The following SRGAP2B variants were observed in gnomAD, a reference collection of about 807,000 sequenced individuals.
The protein encoded by SRGAP2B is SLIT-ROBO Rho GTPase-activating protein 2B.
SRGAP2B carries 9 observed loss-of-function variants against 22.2 expected under a neutral mutation model. The ratio of observed to expected loss-of-function variants is 0.41; its 90% CI spans 0.24 to 0.71. The LOEUF is 0.71. Among genes scored for constraint, SRGAP2B ranks in the 30% least tolerant of loss-of-function variants. The pLI is 0.35. For missense variants in SRGAP2B, 114 were observed against 235.8 expected, an observed-to-expected ratio of 0.48 and a Z score of 3.38; for synonymous variants, 36 against 87.4, an observed-to-expected ratio of 0.41 and a Z score of 3.28.
At chr1:144,992,092 GA>G (rs1471871325) in intron 3 of SRGAP2B, among the ~76,000 whole-genome samples, 1 of 150,174 alleles carries the variant, frequency 6.7e-6, no homozygotes. Flanking sequence ...AGCCCACCGG[GA>G]GGAACGAACA....
chr1:144,897,051 T>G, intron 8 of SRGAP2B, 65 bp downstream of exon 8: 1 of 20,660 alleles, frequency 4.8e-5, no homozygotes, highest in Non-Finnish European at 9.6e-5. Context: ...GTGCCTTCTG[T>G]GTAATTAATC....
intron 2 of SRGAP2B, among the ~76,000 whole-genome samples, chr1:145,015,581 G>T (rs1184829705): frequency 6.0e-5 from 9 of 149,652 alleles, no homozygotes; most frequent in Non-Finnish European, 1.3e-4. Context: ...GGAGTATACA[G>T]AAATTGGTCT....
chr1:145,068,893 A>ATGTATGTGTG (rs1301267926), intron 2 of SRGAP2B, among the ~76,000 whole-genome samples: 2 of 109,258 alleles, frequency 1.8e-5, no homozygotes, highest in African/African-American at 7.2e-5. Context: ...ATAAGGTAAA[A>ATGTATGTGTG]TGTGTGTGTG....
chr1:145,022,335 C>A, intron 2 of SRGAP2B, among the ~76,000 whole-genome samples: 1 of 91,972 alleles, frequency 1.1e-5, no homozygotes, highest in South Asian at 4.1e-4. Flanking sequence ...CACCCCCCAA[C>A]CCCACACACA....
rs1408374053 is a variant in SRGAP2B, at chr1:145,056,989, A to G, written c.67+35846T>C. Among the ~76,000 whole-genome samples, 9 of 140,908 alleles carry G rather than the reference A, an allele frequency of 6.4e-5. 1 individual carries two copies. The East Asian group carries it at 1.7e-3, about 27-fold the overall frequency. The allele number at this position is 140,908 out of a possible 152,430, so 92.4% of individuals were successfully genotyped here. A position where few individuals can be genotyped will look rare whatever the true frequency, so the allele number is the denominator to read the frequency against. On this transcript the variant is annotated intron_variant, in intron 2 of 9. Coordinates refer to ENST00000612199, the Ensembl canonical transcript of SRGAP2B. ...CACACACACACACACACACACACACACACGCAAACTCCTCCCAGCATTAAA... is the reference window on the plus strand; with the variant it reads ...CACACACACACACACACACACACACGCACGCAAACTCCTCCCAGCATTAAA...
chr1:144,967,492 G>A (rs1460121133), intron 3 of SRGAP2B, among the ~76,000 whole-genome samples: 1 of 146,094 alleles, frequency 6.8e-6, no homozygotes, highest in African/African-American at 2.7e-5. Flanking sequence ...ATTCAAAGCA[G>A]TGTGTAGAGG....
At chr1:144,951,152 G>GTTTTGTT (rs1172190322) in intron 4 of SRGAP2B, among the ~76,000 whole-genome samples, 15 of 150,568 alleles carry the variant, frequency 1.0e-4, no homozygotes, top group East Asian at 1.9e-4. Flanking sequence ...CCAGCCCTCT[G>GTTTTGTT]TTTTGTTTTT....
In SRGAP2B at chr1:144,943,140, C is replaced by G. The variant is rs1666188611; in HGVS notation, c.423+12299G>C. On this transcript the variant is annotated intron_variant, in intron 4 of 9. Coordinates refer to ENST00000612199, the Ensembl canonical transcript of SRGAP2B. Reference sequence around the variant, plus strand: ...AAGCTTAACAACACAAGTAAACAACCAGACAAATCTAGAAGATGGGAGATT... The same window carrying G: ...AAGCTTAACAACACAAGTAAACAACGAGACAAATCTAGAAGATGGGAGATT... 3.0e-5 allele frequency among the ~76,000 whole-genome samples: 4 copies of G among 132,952 alleles called. 1 individual carries two copies. The South Asian group carries it at 1.1e-3, about 37-fold the overall frequency. 87.2% of individuals were successfully genotyped at this position (132,952 alleles called of 152,430 possible).
chr1:145,012,598 G>T lies in SRGAP2B; in HGVS notation c.68-17398C>A, dbSNP rs368533947. Among the ~76,000 whole-genome samples, 4 of 112,674 alleles carry T rather than the reference G, an allele frequency of 3.6e-5. No individual in the cohort carries two copies. The East Asian group carries it at 9.5e-4, about 27-fold the overall frequency. The allele number at this position is 112,674 out of a possible 152,430, so 73.9% of individuals were successfully genotyped here. A position where few individuals can be genotyped will look rare whatever the true frequency, so the allele number is the denominator to read the frequency against. Reference sequence around the variant, plus strand: ...TTTCATAATTAATGAAACCTCTTTAGAATGAAACCTTTACTGGAACAAAAG... The same window carrying T: ...TTTCATAATTAATGAAACCTCTTTATAATGAAACCTTTACTGGAACAAAAG... On this transcript the variant is annotated intron_variant, in intron 2 of 9. Coordinates refer to ENST00000612199, the Ensembl canonical transcript of SRGAP2B.
chr1:144,971,638 G>T (rs1668534414), intron 3 of SRGAP2B, among the ~76,000 whole-genome samples: 2 of 150,830 alleles, frequency 1.3e-5, no homozygotes, highest in South Asian at 4.2e-4. Flanking sequence ...TGATTCTCTG[G>T]AAATTCCCAA....
In SRGAP2B at chr1:144,965,152, G is replaced by T. The variant is rs1268750929; in HGVS notation, c.261-9551C>A. On this transcript the variant is annotated intron_variant, in intron 3 of 9. Transcript: ENST00000612199. ...GCTCAAAATAAATGATTCAGTGTAG[G>T]GGGGAGGAGCCAAGATGGCCGAATA... 123 of 1,148,988 alleles carry T rather than the reference G, an allele frequency of 1.1e-4. 1 individual carries two copies. Among genetic ancestry groups the T allele is most frequent in the Middle Eastern group, 2.8e-4 (1 of 3,546 alleles). 71.2% of individuals were successfully genotyped at this position (1,148,988 alleles called of 1,614,324 possible).
At chr1:144,915,675 G>A (rs1187169928) in intron 4 of SRGAP2B, among the ~76,000 whole-genome samples, 11 of 151,232 alleles carry the variant, frequency 7.3e-5, no homozygotes, top group Non-Finnish European at 1.5e-4. Flanking sequence ...GCAGTGAGCC[G>A]AGATTGCGCC....
intron 4 of SRGAP2B, among the ~76,000 whole-genome samples, chr1:144,953,035 C>T (rs1666997592): frequency 6.9e-6 from 1 of 145,940 alleles, no homozygotes; most frequent in Non-Finnish European, 1.5e-5. Flanking sequence ...ATTATTCACC[C>T]TGTGGGATAG....
intron 2 of SRGAP2B, among the ~76,000 whole-genome samples, chr1:145,076,583 T>C (rs1553634067): frequency 6.8e-6 from 1 of 147,714 alleles, no homozygotes; most frequent in African/African-American, 2.6e-5. Context: ...TGGTTCCGTT[T>C]TTATAATATT....
chr1:145,009,025 A>G (rs1671822349), intron 2 of SRGAP2B, among the ~76,000 whole-genome samples: 1 of 147,358 alleles, frequency 6.8e-6, no homozygotes, highest in Admixed American at 6.7e-5. Context: ...AAATACAAAA[A>G]AAGTAGCTGG....
At chr1:145,016,706 T>G in intron 2 of SRGAP2B, among the ~76,000 whole-genome samples, 1 of 120,738 alleles carries the variant, frequency 8.3e-6, no homozygotes, top group Non-Finnish European at 1.7e-5. Context: ...CTGAACACAC[T>G]ACATGACTTG....
At chr1:145,084,987 G>A (rs1187942244) in intron 2 of SRGAP2B, among the ~76,000 whole-genome samples, 1 of 150,916 alleles carries the variant, frequency 6.6e-6, no homozygotes, top group African/African-American at 2.5e-5. Flanking sequence ...CTGTCACCCA[G>A]GCTAGAGTGC....
chr1:145,076,523 A>T (rs1409784956), intron 2 of SRGAP2B, among the ~76,000 whole-genome samples: 1 of 150,144 alleles, frequency 6.7e-6, no homozygotes, highest in Non-Finnish European at 1.5e-5. Context: ...GTCTTCAGAC[A>T]CTTGTGCTGA....
At chr1:145,021,682 C>T (rs587770330) in intron 2 of SRGAP2B, among the ~76,000 whole-genome samples, 2 of 148,418 alleles carry the variant, frequency 1.3e-5, no homozygotes, top group African/African-American at 2.6e-5. Flanking sequence ...GGTGTGGTGG[C>T]ACATGCCTGT....
Sources: allele counts gnomAD v4.1 joint callset (sites outside exome capture counted in the v4.1 genomes callset), GRCh38; gene constraint gnomAD v4.1.1; transcripts MANE v1.5; gene names NCBI Gene and HGNC (gene_info 2026-07-23, HGNC 2026-07-21).